The following STT3B variants were observed in gnomAD, a reference collection of about 807,000 sequenced individuals.
STT3B encodes STT3 oligosaccharyltransferase complex catalytic subunit B, also known as dolichyl-diphosphooligosaccharide--protein glycosyltransferase subunit STT3B.
Under a neutral mutation model 96.8 loss-of-function variants are expected in STT3B, and 29 were observed. That is an observed-to-expected ratio of 0.30 (90% confidence interval 0.22 to 0.41). The LOEUF is 0.41. Among genes scored for constraint, STT3B ranks in the 10% least tolerant of loss-of-function variants. The pLI, the probability that STT3B is intolerant of heterozygous loss-of-function variation, is 1.00. For missense variants in STT3B, 640 were observed against 1,022.3 expected (o/e 0.63, Z 5.10); for synonymous variants, 367 against 360.0 (o/e 1.02, Z -0.22).
intron 1 of STT3B, among the ~76,000 whole-genome samples, chr3:31,569,450 C>T (rs1698085346): frequency 6.6e-6 from 1 of 152,066 alleles, no homozygotes; most frequent in African/African-American, 2.4e-5. Context: ...AGAAAAAGTT[C>T]ATTAGCTCTA....
chr3:31,584,983 T>C (rs938338473), intron 3 of STT3B, among the ~76,000 whole-genome samples: 3 of 152,158 alleles, frequency 2.0e-5, no homozygotes, highest in African/African-American at 7.2e-5. Flanking sequence ...AATGAAGTTA[T>C]AAAAAGGTGA....
At chr3:31,573,216 C>G (rs1698197999) in intron 1 of STT3B, among the ~76,000 whole-genome samples, 1 of 152,052 alleles carries the variant, frequency 6.6e-6, no homozygotes, top group Non-Finnish European at 1.5e-5. Context: ...GTGGTTTTGA[C>G]CATTATGTTA....
chr3:31,619,593 A>T, intron 8 of STT3B, 83 bp from the exon 9 acceptor site: 1 of 1,210,384 alleles, frequency 8.3e-7, no homozygotes, highest in Non-Finnish European at 1.2e-6. Flanking sequence ...TACCATTTCT[A>T]CAACCAAACA....
chr3:31,609,909 T>C (rs1017005988), intron 5 of STT3B, among the ~76,000 whole-genome samples: 1 of 152,220 alleles, frequency 6.6e-6, no homozygotes, highest in Non-Finnish European at 1.5e-5. Context: ...TCTACTGAAG[T>C]GTTTTGAACA....
At position 31,597,869 on chromosome 3, in the gene STT3B, T is replaced by C. The variant is rs538983300; in HGVS notation, c.777+1006T>C. Among the ~76,000 whole-genome samples, 3 of 150,526 alleles carry C rather than the reference T, an allele frequency of 2.0e-5. No individual in the cohort carries two copies. The East Asian group carries it at 5.9e-4, about 30-fold the overall frequency. ...TTTTTTTTTTGAGACAGAGTCTGGC[T>C]CTGTTGCCTAGGCTGGAGTGCAGTG... On this transcript the variant is annotated intron_variant, in intron 4 of 15. Transcript: ENST00000295770.
intron 1 of STT3B, among the ~76,000 whole-genome samples, chr3:31,574,454 G>C (rs1030246602): frequency 6.6e-6 from 1 of 152,054 alleles, no homozygotes. Context: ...GAAGAACTTT[G>C]TCACTTCCAT....
chr3:31,540,747 T>A (rs952954953), intron 1 of STT3B, among the ~76,000 whole-genome samples: 5 of 152,242 alleles, frequency 3.3e-5, no homozygotes, highest in Admixed American at 6.6e-5. Context: ...CCCATACTGT[T>A]AAAAAAATTA....
intron 5 of STT3B, among the ~76,000 whole-genome samples, chr3:31,602,633 G>A (rs973986091): frequency 6.7e-6 from 1 of 148,848 alleles, no homozygotes; most frequent in African/African-American, 2.5e-5. Context: ...TAGAATTTGA[G>A]AAAGGCCTTT....
At chr3:31,623,986 TA>T in intron 11 of STT3B, 125 bp downstream of exon 11, 2 of 839,532 alleles carry the variant, frequency 2.4e-6, no homozygotes, top group Non-Finnish European at 3.5e-6. Context: ...TTTAATTTTT[TA>T]TTTTAATTTT....
intron 3 of STT3B, 129 bp downstream of exon 3, chr3:31,580,225 A>C (rs1284023814): frequency 3.7e-6 from 3 of 820,868 alleles, no homozygotes; most frequent in Non-Finnish European, 5.7e-6. Context: ...TACTGTTCAT[A>C]ATCAATTTAA....
chr3:31,613,664 G>T (rs1332295995), intron 5 of STT3B, among the ~76,000 whole-genome samples: 1 of 23,136 alleles, frequency 4.3e-5, no homozygotes, highest in Non-Finnish European at 1.4e-4. Flanking sequence ...AGTATGCATG[G>T]TTCTTTTTTT....
rs1205109564 is a variant in STT3B, at chr3:31,637,358, A to T, written c.*1294A>T. 6.6e-6 allele frequency: 1 copy of T among 152,232 alleles called. No individual in the cohort carries two copies. The highest frequency in any genetic ancestry group is 6.5e-5 in the Admixed American group (1 of 15,276). 9.4% of individuals were successfully genotyped at this position (152,232 alleles called of 1,614,324 possible). ...TTTTATGAAGAAAAATGTAATTTAC[A>T]ATATTCAGTGAGAATGTTACTGCTG... is the stretch of plus-strand genomic sequence containing the variant. On this transcript the variant is annotated 3_prime_UTR_variant, in exon 16 of 16. Coordinates refer to ENST00000295770, the MANE Select transcript of STT3B (RefSeq NM_178862.3).
At chr3:31,582,487 T>G (rs1013375432) in intron 3 of STT3B, among the ~76,000 whole-genome samples, 11 of 151,510 alleles carry the variant, frequency 7.3e-5, no homozygotes, top group Non-Finnish European at 1.6e-4. Context: ...TAGAGATGGA[T>G]TTTCACGATG....
Position 31,587,079 on chromosome 3 carries a change from A to C in STT3B, c.711+6983A>C, listed in dbSNP as rs72856022. On this transcript the variant is annotated intron_variant, in intron 3 of 15. Coordinates refer to ENST00000295770, the MANE Select transcript of STT3B (RefSeq NM_178862.3). The stretch of plus-strand genomic sequence containing the variant: ...GGCGATCAGGTTAGTGACTTGATCT[A>C]TTTTAAGCACCGAAAGCTATAATTT... Among the ~76,000 whole-genome samples the C allele has an allele frequency of 1.5e-3, 225 of 152,244 alleles. 1 individual carries two copies. The highest frequency in any genetic ancestry group is 5.3e-3 in the African/African-American group (220 of 41,560).
At chr3:31,554,257 A>T (rs916422138) in intron 1 of STT3B, among the ~76,000 whole-genome samples, 1 of 152,144 alleles carries the variant, frequency 6.6e-6, no homozygotes, top group African/African-American at 2.4e-5. Flanking sequence ...TTTTCTTGTG[A>T]ATCCCTTCCT....
chr3:31,591,024 A>G (rs906494573), intron 3 of STT3B, among the ~76,000 whole-genome samples: 59 of 152,032 alleles, frequency 3.9e-4, no homozygotes, highest in African/African-American at 1.3e-3. Context: ...CAAATCTTCT[A>G]TATGCTCATC....
rs1015584335 is a variant in STT3B, at chr3:31,600,263, T to G, written c.778-97T>G. 2.3e-5 allele frequency: 11 copies of G among 483,622 alleles called. No individual in the cohort carries two copies. In the Admixed American group the frequency reaches 4.2e-4, roughly 18 times the overall value. 30.0% of individuals were successfully genotyped at this position (483,622 alleles called of 1,614,324 possible). A position where few individuals can be genotyped will look rare whatever the true frequency, so the allele number is the denominator to read the frequency against. On this transcript the variant is annotated intron_variant, in intron 4 of 15. Coordinates refer to ENST00000295770, the MANE Select transcript of STT3B (RefSeq NM_178862.3). ...GCATTTCTCAAAATTGCTAAAATCT[T>G]AATGTTTATATTTGCTCATTGTATG... is the stretch of plus-strand genomic sequence containing the variant.
chr3:31,621,347 G>A (rs1699423510), intron 9 of STT3B, among the ~76,000 whole-genome samples: 1 of 152,138 alleles, frequency 6.6e-6, no homozygotes. Context: ...ATATAAAAAT[G>A]TTCTATATCA....
At chr3:31,596,558 A>G (rs996659240) in intron 3 of STT3B, among the ~76,000 whole-genome samples, 3 of 152,210 alleles carry the variant, frequency 2.0e-5, no homozygotes, top group Admixed American at 6.5e-5. Flanking sequence ...TATTTAAAAG[A>G]TGATTCTTTT....
Sources: allele counts gnomAD v4.1 joint callset (sites outside exome capture counted in the v4.1 genomes callset), GRCh38; gene constraint gnomAD v4.1.1; transcripts MANE v1.5; gene names NCBI Gene and HGNC (gene_info 2026-07-23, HGNC 2026-07-21).